Variants in ADK observed in about 807,000 individuals in gnomAD.
The protein encoded by ADK is N6,N6-dimethyladenosine kinase.
ADK carries 24 observed loss-of-function variants against 44.7 expected under a neutral mutation model. That is an observed-to-expected ratio of 0.54 (90% CI 0.39 to 0.76). The LOEUF is 0.76. Among genes scored for constraint, ADK ranks in the 30% least tolerant of loss-of-function variants. ADK has a pLI of 0.00. For missense variants in ADK, 321 were observed against 425.1 expected, an observed-to-expected ratio of 0.76 and a Z score of 2.15; for synonymous variants, 128 against 142.6, an observed-to-expected ratio of 0.90 and a Z score of 0.73.
intron 1 of ADK, among the ~76,000 whole-genome samples, chr10:74,154,275 G>C (rs1174083995): frequency 6.6e-6 from 1 of 151,902 alleles, no homozygotes; most frequent in Non-Finnish European, 1.5e-5. Flanking sequence ...ATTTAATTTT[G>C]TATATATTTT....
At chr10:74,436,899 T>G (rs7091719) in intron 6 of ADK, among the ~76,000 whole-genome samples, 92,180 of 151,718 alleles carry the variant, frequency 0.61, 30,364 homozygotes, top group Middle Eastern at 0.78. Context: ...GAAAGAAATG[T>G]CATTAAGGTT....
intron 6 of ADK, among the ~76,000 whole-genome samples, chr10:74,457,593 A>G (rs1846001726): frequency 6.6e-6 from 1 of 152,246 alleles, no homozygotes; most frequent in Non-Finnish European, 1.5e-5. Flanking sequence ...CACTGTTCAC[A>G]ATAGCAAAGA....
At position 74,478,471 on chromosome 10, in the gene ADK, C is replaced by T. The variant is rs868296680; in HGVS notation, c.556-46785C>T. On this transcript the variant is annotated intron_variant, in intron 6 of 10. Transcript: ENST00000539909. ...GTCCTGGCCCCAAGCAGTCCTCCCACCTTGGCCTCCCATAATGCTGGGATT... is the reference window on the plus strand; with the variant it reads ...GTCCTGGCCCCAAGCAGTCCTCCCATCTTGGCCTCCCATAATGCTGGGATT... Among the ~76,000 whole-genome samples the T allele has an allele frequency of 2.0e-4, 30 of 152,322 alleles. 1 individual carries two copies. In the Middle Eastern group the frequency reaches 0.017, roughly 86 times the overall value.
intron 7 of ADK, among the ~76,000 whole-genome samples, chr10:74,538,281 T>C (rs917384588): frequency 1.2e-4 from 18 of 152,060 alleles, no homozygotes; most frequent in African/African-American, 4.3e-4. Flanking sequence ...GGTAATGTAT[T>C]GCTCTGCTTC....
rs147539404 is a variant in ADK at position 74,584,340 on chromosome 10, C to A, written c.727-4942C>A. 1.8e-3 allele frequency among the ~76,000 whole-genome samples: 276 copies of A among 152,214 alleles called. 1 individual carries two copies. Among genetic ancestry groups the A allele is most frequent in the African/African-American group, 6.1e-3 (254 of 41,534 alleles). Reference sequence around the variant, plus strand: ...ATGCAACGAAATAGGTATGGTTAACCCCAATGTTATTGATGAAGAAATTGA... The same window carrying A: ...ATGCAACGAAATAGGTATGGTTAACACCAATGTTATTGATGAAGAAATTGA... On this transcript the variant is annotated intron_variant, in intron 7 of 10. Transcript: ENST00000539909.
At chr10:74,409,888 T>A (rs1249797066) in intron 6 of ADK, among the ~76,000 whole-genome samples, 1 of 152,192 alleles carries the variant, frequency 6.6e-6, no homozygotes, top group South Asian at 2.1e-4. Flanking sequence ...CTGCTTTGTT[T>A]GCCCTATAGG....
chr10:74,375,961 C>G (rs371093222), intron 4 of ADK, among the ~76,000 whole-genome samples: 2 of 151,902 alleles, frequency 1.3e-5, no homozygotes, highest in South Asian at 2.1e-4. Context: ...ACAGGAAAAA[C>G]TTTTCTTTTT....
At chr10:74,412,746 C>T (rs1438944062) in intron 6 of ADK, among the ~76,000 whole-genome samples, 3 of 152,164 alleles carry the variant, frequency 2.0e-5, no homozygotes, top group Non-Finnish European at 4.4e-5. Context: ...CAGTAGATCT[C>T]AACAGTGGGC....
At chr10:74,545,443 T>C (rs1444368076) in intron 7 of ADK, among the ~76,000 whole-genome samples, 1 of 152,202 alleles carries the variant, frequency 6.6e-6, no homozygotes, top group Admixed American at 6.5e-5. Context: ...CCAAAAATAT[T>C]TTGTTCCATC....
intron 6 of ADK, among the ~76,000 whole-genome samples, chr10:74,503,667 C>G (rs1338159771): frequency 6.6e-6 from 1 of 152,082 alleles, no homozygotes; most frequent in Non-Finnish European, 1.5e-5. Context: ...AAGATTAAAA[C>G]TTCATTGGGC....
At chr10:74,161,429 T>C (rs1240634072) in intron 1 of ADK, among the ~76,000 whole-genome samples, 1 of 152,226 alleles carries the variant, frequency 6.6e-6, no homozygotes, top group Non-Finnish European at 1.5e-5. Context: ...CAGTATGGTC[T>C]CGATCTCCTG....
intron 1 of ADK, among the ~76,000 whole-genome samples, chr10:74,192,775 C>T (rs994062875): frequency 1.3e-5 from 2 of 152,152 alleles, no homozygotes; most frequent in Admixed American, 1.3e-4. Context: ...ATCCTCCTAC[C>T]TCAGCCTCCC....
Position 74,708,782 on chromosome 10 carries a change from T to G in ADK, c.*337T>G, listed in dbSNP as rs886047238. 6 of 248,314 alleles carry G rather than the reference T, an allele frequency of 2.4e-5. No homozygotes were observed. Among genetic ancestry groups the G allele is most frequent in the Admixed American group, 1.0e-4 (2 of 19,266 alleles). The allele number at this position is 248,314 out of a possible 1,614,324, so 15.4% of individuals were successfully genotyped here. A position where few individuals can be genotyped will look rare whatever the true frequency, so the allele number is the denominator to read the frequency against. On this transcript the variant is annotated 3_prime_UTR_variant, in exon 11 of 11. Transcript: ENST00000539909. ...CTGATTTGTTTTTTTACATTTCTGCTTTGAATGCAGATGCAATTTAATATA... is the reference window on the plus strand; with the variant it reads ...CTGATTTGTTTTTTTACATTTCTGCGTTGAATGCAGATGCAATTTAATATA...
At chr10:74,545,725 A>G (rs1489397147) in intron 7 of ADK, among the ~76,000 whole-genome samples, 3 of 152,172 alleles carry the variant, frequency 2.0e-5, no homozygotes, top group Non-Finnish European at 4.4e-5. Flanking sequence ...TTAAACTACT[A>G]TTCCTTTTGA....
intron 7 of ADK, among the ~76,000 whole-genome samples, chr10:74,586,875 A>G (rs1564806508): frequency 6.7e-6 from 1 of 149,816 alleles, no homozygotes; most frequent in East Asian, 1.9e-4. Context: ...AAAAATATAT[A>G]TGTATATATA....
rs58074760 is a variant in ADK at position 74,347,106 on chromosome 10, C to CAAAAAAAAA, written c.273+32389_273+32397dup. 5.5e-4 allele frequency among the ~76,000 whole-genome samples: 51 copies of CAAAAAAAAA among 92,294 alleles called. 1 individual carries two copies. Among genetic ancestry groups the CAAAAAAAAA allele is most frequent in the Middle Eastern group, 4.8e-3 (1 of 208 alleles). 60.5% of individuals were successfully genotyped at this position (92,294 alleles called of 152,430 possible). On this transcript the variant is annotated intron_variant, in intron 4 of 10. Transcript: ENST00000539909. ...TGGGCGACAGAGCGACACTCTGTCT[C>CAAAAAAAAA]AAAAAAAAAAAAAAAAAAAAAAAAA... is the stretch of plus-strand genomic sequence containing the variant.
At chr10:74,419,118 A>C (rs183888350) in intron 6 of ADK, among the ~76,000 whole-genome samples, 30 of 152,264 alleles carry the variant, frequency 2.0e-4, no homozygotes, top group African/African-American at 7.2e-4. Flanking sequence ...GTTTTAGAAA[A>C]AATTTCTGAA....
At chr10:74,206,404 T>G (rs1421429323) in intron 2 of ADK, among the ~76,000 whole-genome samples, 1 of 152,224 alleles carries the variant, frequency 6.6e-6, no homozygotes, top group Non-Finnish European at 1.5e-5. Flanking sequence ...GGTGAGTGAC[T>G]GCAGTGAGTA....
chr10:74,544,985 C>G lies in ADK; in HGVS notation c.726+19559C>G, dbSNP rs548173041. Among the ~76,000 whole-genome samples, 11 of 151,428 alleles carry G rather than the reference C, an allele frequency of 7.3e-5. No homozygotes were observed. In the South Asian group the frequency reaches 2.3e-3, roughly 32 times the overall value. ...CTTCTCTTGAATATCTCTCACCCAA[C>G]AATGTTTTTTTCATGTTGATCACTT... On this transcript the variant is annotated intron_variant, in intron 7 of 10. Coordinates refer to ENST00000539909, the MANE Select transcript of ADK (RefSeq NM_006721.4).
Sources: gnomAD v4.1 joint callset for allele counts (sites outside exome capture counted in the v4.1 genomes callset) on GRCh38, gnomAD v4.1.1 for gene constraint, MANE v1.5 for transcripts, NCBI Gene and HGNC (gene_info 2026-07-23, HGNC 2026-07-21) for gene names.